SEC16A: variants seen among roughly 807,000 people sequenced by gnomAD.
The protein encoded by SEC16A is protein transport protein Sec16A.
SEC16A carries 110 observed loss-of-function variants against 221.9 expected under a neutral mutation model. The ratio of observed to expected loss-of-function variants is 0.50; its 90% CI spans 0.42 to 0.58. SEC16A has a LOEUF of 0.58. SEC16A is among the 20% of genes least tolerant of loss of function. The pLI is 0.00. For synonymous variants in SEC16A, 1,393 were observed against 1,257.7 expected, an observed-to-expected ratio of 1.11 and a Z score of -2.28; for missense variants, 3,165 against 3,097.8, an observed-to-expected ratio of 1.02 and a Z score of -0.52.
chr9:136,477,530 C>G lies in SEC16A; in HGVS notation c.86G>C (p.Ser29Thr), dbSNP rs750752419. The change falls in exon 3 of 32, where the codon AGC becomes ACC. Residue 29 changes from serine (S) to threonine (T), a missense_variant. Physicochemically the swap from Ser to Thr is moderately conservative, Grantham distance 58. Around this residue, in one of 3 missense-constraint regions of SEC16A, gnomAD observed 2,030 missense variants for 1,923.1 expected, o/e 1.06. Coordinates refer to ENST00000684901, the MANE Select transcript of SEC16A (RefSeq NM_014866.2). The stretch of plus-strand genomic sequence containing the variant: ...ATTATTAGCCCGTCTCCTGTAAGGG[C>G]TGCTAGCCCAGAACACGCTCCGAGG... ...GNPRSVFWASSPYRRRANNNA... is the reference protein window; with the variant it reads ...GNPRSVFWASTPYRRRANNNA... 13 of 1,613,738 alleles carry G rather than the reference C, an allele frequency of 8.1e-6. 1 individual carries two copies. The South Asian group carries it at 1.4e-4, about 18-fold the overall frequency.
At chr9:136,448,923 G>T (rs1177331197) in intron 23 of SEC16A, 1 of 671,616 alleles carries the variant, frequency 1.5e-6, no homozygotes, top group Admixed American at 2.2e-5. Context: ...AGGTGAGACA[G>T]TTCTGGAGAT....
intron 11 of SEC16A, 95 bp downstream of exon 11, chr9:136,463,368 G>A (rs1000584330): frequency 7.3e-6 from 11 of 1,502,050 alleles, no homozygotes; most frequent in South Asian, 2.5e-5. Context: ...AGCTGGCCAC[G>A]CGGATCCCGC....
chr9:136,473,196 C>G (rs1841125408), intron 3 of SEC16A, among the ~76,000 whole-genome samples: 1 of 152,260 alleles, frequency 6.6e-6, no homozygotes, highest in Non-Finnish European at 1.5e-5. Flanking sequence ...CTTCTGACTG[C>G]AAGGCCTTCC....
At position 136,463,510 on chromosome 9, in the gene SEC16A, C is replaced by A; in HGVS notation, c.4600G>T (p.Ala1534Ser). 1 of 1,613,822 alleles carries A rather than the reference C, an allele frequency of 6.2e-7. No individual in the cohort carries two copies. The highest frequency in any genetic ancestry group is 8.5e-7 in the Non-Finnish European group (1 of 1,179,816). ...ACAATAAAATTCCAAAGAAGACTTG[C>A]AGACTCTTTGTCAATTAAGTTTTCA... ...QNENLIDKES[A>S]SLLWNFIVLL... Residue 1534 changes from alanine (A) to serine (S), a missense_variant, in exon 11 of 32, where the codon GCA (alanine) becomes TCA (serine). Ala to Ser is a moderately conservative substitution (Grantham distance 99). Coordinates refer to ENST00000684901, the MANE Select transcript of SEC16A (RefSeq NM_014866.2).
chr9:136,459,034 T>G lies in SEC16A; in HGVS notation c.5409+100A>C. On this transcript the variant is annotated intron_variant, in intron 17 of 31. Coordinates refer to ENST00000684901, the MANE Select transcript of SEC16A (RefSeq NM_014866.2). This position sits in a 1 kb window ranked among gnomAD's most constrained non-coding sequence, Gnocchi z 6.1. ...TCCTCCCCCAAAAAACTCACATCATTTTTTTCGATACCAATTCAAACAATC... is the reference window on the plus strand; with the variant it reads ...TCCTCCCCCAAAAAACTCACATCATGTTTTTCGATACCAATTCAAACAATC... The G allele has an allele frequency of 3.9e-6, 3 of 762,620 alleles. No individual in the cohort carries two copies. Among genetic ancestry groups the G allele is most frequent in the South Asian group, 5.0e-5 (2 of 40,160 alleles). 47.2% of individuals were successfully genotyped at this position (762,620 alleles called of 1,614,324 possible).
At chr9:136,442,146 G>A (rs1836275623) in intron 31 of SEC16A, among the ~76,000 whole-genome samples, 1 of 152,236 alleles carries the variant, frequency 6.6e-6, no homozygotes, top group Non-Finnish European at 1.5e-5. Context: ...AGGGACAAGT[G>A]GTGGCCAGGC....
Position 136,474,412 on chromosome 9 carries a change from A to T in SEC16A, c.3204T>A (p.Ala1068=). 1 of 1,612,954 alleles carries T rather than the reference A, an allele frequency of 6.2e-7. No individual in the cohort carries two copies. The highest frequency in any genetic ancestry group is 8.5e-7 in the Non-Finnish European group (1 of 1,179,906). ...TGGCTTTGGGTAGTTGTGGGGGAGAAGCCTGTTGCTGGGGTGGCACCAGCT... is the reference window on the plus strand; with the variant it reads ...TGGCTTTGGGTAGTTGTGGGGGAGATGCCTGTTGCTGGGGTGGCACCAGCT... ...QQELVPPQQQ[A]SPPQLPKAMF... is the part of the protein sequence containing the mutation. Residue 1068 remains alanine (A), a synonymous_variant, in exon 3 of 32, where the codon GCT becomes GCA. Transcript: ENST00000684901.
At chr9:136,444,992 C>G in intron 30 of SEC16A, 60 bp downstream of exon 30, 2 of 1,505,252 alleles carry the variant, frequency 1.3e-6, no homozygotes, top group Non-Finnish European at 9.1e-7. Context: ...ACCGCGTGCT[C>G]AGGAACACAG....
chr9:136,475,444 A>G lies in SEC16A; in HGVS notation c.2172T>C (p.Thr724=), dbSNP rs1436582191. ...CTGGCAGCTCACTTTGCGCCCACAG[A>G]GTCGTTGCTGGGCTCTCACACTTCA... The part of the protein sequence containing the change: ...GPVKCESPAT[T]LWAQSELPDF... The change falls in exon 3 of 32, where the codon ACT becomes ACC. Residue 724 remains threonine, a synonymous_variant. Transcript: ENST00000684901. The surrounding 1 kb of genome is among the most constrained non-coding windows in gnomAD (Gnocchi z 5.0). 2 of 1,610,458 alleles carry G rather than the reference A, an allele frequency of 1.2e-6. No individual in the cohort carries two copies. Among genetic ancestry groups the G allele is most frequent in the East Asian group, 4.5e-5 (2 of 44,812 alleles).
rs371402764 is a variant in SEC16A, at chr9:136,477,184, G to A, written c.432C>T (p.Val144=). The A allele has an allele frequency of 7.1e-5, 115 of 1,613,704 alleles. No individual in the cohort carries two copies. The highest frequency in any genetic ancestry group is 9.9e-5 in the South Asian group (9 of 91,084). ...GAACTTCAGGCTCTGAACTGGGACC[G>A]ACCTCTGCACTCCTGTTCATCTCAG... ...PGPEMNRSAE[V]GPSSEPEVQT... Residue 144 remains valine, a synonymous_variant, in exon 3 of 32, where the codon GTC becomes GTT. Transcript: ENST00000684901.
At chr9:136,465,060 AGACCAT>A in intron 8 of SEC16A, among the ~76,000 whole-genome samples, 1 of 152,204 alleles carries the variant, frequency 6.6e-6, no homozygotes, top group East Asian at 1.9e-4. Context: ...CAGGAGACAG[AGACCAT>A]GACCGTGCCA....
Position 136,447,228 on chromosome 9 carries a change from TG to T in SEC16A, c.6695del (p.Pro2232GlnfsTer35). ...GGGGCTGGTGCTCGTGCTACCTACC[TG>T]GGGTTGGCACGAACAAGTTAGAAGG... Reference protein sequence around the residue: ...PIPSNLFVPTPDAEEPQLPDG... With the variant: ...PIPSNLFVPTXDAEEPQLPDG... On this transcript the variant is annotated frameshift_variant and splice_region_variant, in exon 27 of 32. Coordinates refer to ENST00000684901, the MANE Select transcript of SEC16A (RefSeq NM_014866.2). LOFTEE classifies it high-confidence loss of function. This position sits in a 1 kb window ranked among gnomAD's most constrained non-coding sequence, Gnocchi z 5.5. The T allele has an allele frequency of 6.3e-7, 1 of 1,592,434 alleles. No homozygotes were observed. The highest frequency in any genetic ancestry group is 1.1e-5 in the South Asian group (1 of 87,440).
intron 29 of SEC16A, among the ~76,000 whole-genome samples, chr9:136,445,380 C>T (rs1346893200): frequency 6.6e-6 from 1 of 152,224 alleles, no homozygotes; most frequent in Non-Finnish European, 1.5e-5. Flanking sequence ...CCTCACAATT[C>T]AAGACAATTC....
rs201779703 is a variant in SEC16A at position 136,465,989 on chromosome 9, C to T, written c.4276G>A (p.Asp1426Asn). Residue 1426 changes from aspartate to asparagine, a missense_variant, in exon 8 of 32, where the codon GAC becomes AAC. By Grantham distance (23) the Asp-to-Asn change is conservative (BLOSUM62 1). Around this residue, in one of 3 missense-constraint regions of SEC16A, gnomAD observed 2,030 missense variants for 1,923.1 expected, o/e 1.06. Coordinates refer to ENST00000684901, the MANE Select transcript of SEC16A (RefSeq NM_014866.2). ...TGCTCCATGGCAGGCCAGACGGTGT[C>T]GGCAGGGTAGCCATACTCTGGGAAG... is the stretch of plus-strand genomic sequence containing the variant. ...PGFPEYGYPA[D>N]TVWPAMEQVS... 4.7e-4 allele frequency: 765 copies of T among 1,613,050 alleles called. 3 individuals carry two copies. In the African/African-American group the frequency reaches 8.9e-3, roughly 19 times the overall value.
Position 136,441,737 on chromosome 9 carries a change from G to T in SEC16A, c.*18C>A. On this transcript the variant is annotated 3_prime_UTR_variant, in exon 32 of 32. Coordinates refer to ENST00000684901, the MANE Select transcript of SEC16A (RefSeq NM_014866.2). ...AGCAGCGTCAGGGCTCCAAGTGCAA[G>T]TTCACAGCAGGGCAAGCCTAGTTCA... 1 of 1,612,434 alleles carries T rather than the reference G, an allele frequency of 6.2e-7. No homozygotes were observed. Among genetic ancestry groups the T allele is most frequent in the Non-Finnish European group, 8.5e-7 (1 of 1,178,996 alleles).
chr9:136,472,310 T>C (rs1840987014), intron 3 of SEC16A, among the ~76,000 whole-genome samples, 199 bp from the exon 4 acceptor site: 1 of 152,206 alleles, frequency 6.6e-6, no homozygotes, highest in African/African-American at 2.4e-5. Context: ...CCTTCCCTCA[T>C]ACACAACCAC....
intron 1 of SEC16A, among the ~76,000 whole-genome samples, chr9:136,479,278 C>T (rs1286477027): frequency 6.6e-6 from 1 of 152,212 alleles, no homozygotes; most frequent in Non-Finnish European, 1.5e-5. Flanking sequence ...GTCAGCACCA[C>T]CCTCATGAAC....
Position 136,477,128 on chromosome 9 carries a change from G to T in SEC16A, c.488C>A (p.Pro163Gln), listed in dbSNP as rs1206745109. The change falls in exon 3 of 32, where the codon CCA becomes CAA. Residue 163 changes from proline to glutamine, a missense_variant. Around this residue, in one of 3 missense-constraint regions of SEC16A, gnomAD observed 2,030 missense variants for 1,923.1 expected, o/e 1.06. Transcript: ENST00000684901. ...ATGAGACGTTTCAGGATCCACTCCTGGAATGTAGTGAGGAAGATATGGCAG... is the reference window on the plus strand; with the variant it reads ...ATGAGACGTTTCAGGATCCACTCCTTGAATGTAGTGAGGAAGATATGGCAG... ...QTLPYLPHYI[P>Q]GVDPETSHGG... The T allele has an allele frequency of 1.9e-6, 3 of 1,613,748 alleles. No homozygotes were observed. The highest frequency in any genetic ancestry group is 1.7e-6 in the Non-Finnish European group (2 of 1,179,892).
rs769766754 is a variant in SEC16A, at chr9:136,461,201, C to T, written c.4967G>A (p.Arg1656Gln). 1.9e-5 allele frequency: 31 copies of T among 1,607,188 alleles called. No homozygotes were observed. The East Asian group carries it at 4.5e-4, about 23-fold the overall frequency. ...CCTGGTCATGACTCGGGCGTGTGTC[C>T]GGCTGTCCATCTTACTTGCAAGTAG... is the stretch of plus-strand genomic sequence containing the variant. ...ALLLASKMDS[R>Q]THARVMTRFA... The change falls in exon 13 of 32, where the codon CGG becomes CAG. Residue 1656 changes from arginine (R) to glutamine (Q), a missense_variant. This residue lies in a region of SEC16A where 1,088 missense variants were observed against 1,089.6 expected (regional missense o/e 1.00). Coordinates refer to ENST00000684901, the MANE Select transcript of SEC16A (RefSeq NM_014866.2).
Sources: gnomAD v4.1 joint callset for allele counts (sites outside exome capture counted in the v4.1 genomes callset) on GRCh38, gnomAD v4.1.1 for gene constraint, gnomAD v4.1.1 regional missense constraint, Gnocchi (gnomAD v3.1) non-coding constraint, MANE v1.5 for transcripts, NCBI Gene and HGNC (gene_info 2026-07-23, HGNC 2026-07-21) for gene names.